TXNRD3: variants seen among roughly 807,000 people sequenced by gnomAD.
TXNRD3 encodes the protein TXNRD3 neighbor gene protein.
TXNRD3 carries 68 observed loss-of-function variants against 78.2 expected under a neutral mutation model. That is an observed-to-expected ratio of 0.87 (90% confidence interval 0.72 to 1.06). TXNRD3 has a LOEUF of 1.06. Ranked by LOEUF, TXNRD3 falls within the 50% of genes least tolerant of loss-of-function variation. The pLI, the probability that TXNRD3 is intolerant of heterozygous loss-of-function variation, is 0.00. For synonymous variants in TXNRD3, 296 were observed against 300.1 expected (o/e 0.99, Z 0.14); for missense variants, 751 against 809.5 (o/e 0.93, Z 0.88).
intron 15 of TXNRD3, 127 bp from the exon 16 acceptor site, chr3:126,608,100 C>A (rs1938097064): frequency 4.3e-6 from 3 of 690,502 alleles, no homozygotes; most frequent in Non-Finnish European, 6.6e-6. Flanking sequence ...GTGGCTCATG[C>A]CTGTAATCCC....
At position 126,613,816 on chromosome 3, in the gene TXNRD3, T is replaced by C. The variant is rs561297699; in HGVS notation, c.1632+1539A>G. ...CTTGATAAAGATAATAAATGTGATA[T>C]GACTATGATACTGATGTATGTATTT... is the stretch of plus-strand genomic sequence containing the variant. On this transcript the variant is annotated intron_variant, in intron 13 of 15. Transcript: ENST00000524230. 3.9e-5 allele frequency among the ~76,000 whole-genome samples: 6 copies of C among 152,366 alleles called. No homozygotes were observed. The South Asian group carries it at 1.2e-3, about 32-fold the overall frequency.
chr3:126,611,887 A>G (rs572875770), intron 13 of TXNRD3, among the ~76,000 whole-genome samples: 8 of 152,354 alleles, frequency 5.3e-5, no homozygotes, highest in African/African-American at 1.9e-4. Context: ...ATGTTAGGGA[A>G]AAGCATTAAT....
intron 4 of TXNRD3, 77 bp from the exon 5 acceptor site, chr3:126,644,130 G>T: frequency 6.9e-7 from 1 of 1,455,484 alleles, no homozygotes; most frequent in Non-Finnish European, 9.3e-7. Flanking sequence ...TTTGTCTTCC[G>T]TAAAAGACTG....
chr3:126,641,285 C>T (rs1933079620), intron 6 of TXNRD3, among the ~76,000 whole-genome samples: 1 of 152,084 alleles, frequency 6.6e-6, no homozygotes. Context: ...GGCTCATGCT[C>T]CTCTCCTGCT....
chr3:126,619,707 G>C (rs747807038), intron 12 of TXNRD3, among the ~76,000 whole-genome samples: 1 of 152,084 alleles, frequency 6.6e-6, no homozygotes, highest in Non-Finnish European at 1.5e-5. Flanking sequence ...AGCTAAAAGA[G>C]GATATAACAG....
intron 3 of TXNRD3, 145 bp downstream of exon 3, chr3:126,645,966 C>T: frequency 5.0e-6 from 3 of 595,318 alleles, no homozygotes; most frequent in South Asian, 3.2e-5. Flanking sequence ...TTAAAGCAAT[C>T]AGTATTATCT....
chr3:126,631,400 G>A (rs1472433928), intron 8 of TXNRD3, among the ~76,000 whole-genome samples: 3 of 151,918 alleles, frequency 2.0e-5, no homozygotes, highest in African/African-American at 7.3e-5. Context: ...TCAGTGTTAA[G>A]AAAAGTGGTG....
chr3:126,643,442 C>T (rs1293186442), intron 5 of TXNRD3, among the ~76,000 whole-genome samples: 3 of 152,190 alleles, frequency 2.0e-5, no homozygotes, highest in Non-Finnish European at 2.9e-5. Flanking sequence ...ATTACATACA[C>T]TCACTCCATC....
chr3:126,641,562 C>T (rs535251030), intron 6 of TXNRD3, among the ~76,000 whole-genome samples: 4 of 152,290 alleles, frequency 2.6e-5, no homozygotes, highest in South Asian at 4.1e-4. Context: ...CTCTCTCCCA[C>T]GGACTACATG....
rs1938191247 is a variant in TXNRD3 at position 126,611,180 on chromosome 3, C to A, written c.1633-48G>T. 4.1e-6 allele frequency: 5 copies of A among 1,219,164 alleles called. No individual in the cohort carries two copies. In the African/African-American group the frequency reaches 7.7e-5, roughly 19 times the overall value. The allele number at this position is 1,219,164 out of a possible 1,614,324, so 75.5% of individuals were successfully genotyped here. Reference sequence around the variant, plus strand: ...AGGGCAGAATTAATGTATATGGAAACCATTCCTTGATAGGCTCTTTAATTC... The same window carrying A: ...AGGGCAGAATTAATGTATATGGAAAACATTCCTTGATAGGCTCTTTAATTC... On this transcript the variant is annotated intron_variant, in intron 13 of 15. Coordinates refer to ENST00000524230, the MANE Select transcript of TXNRD3 (RefSeq NM_052883.3).
At chr3:126,616,205 G>A (rs1180309250) in intron 12 of TXNRD3, among the ~76,000 whole-genome samples, 1 of 152,194 alleles carries the variant, frequency 6.6e-6, no homozygotes, top group Admixed American at 6.5e-5. Context: ...GGAATACTTT[G>A]GTGGGTGAAC....
chr3:126,650,032 A>T (rs929486498), intron 1 of TXNRD3, among the ~76,000 whole-genome samples: 8 of 152,364 alleles, frequency 5.3e-5, no homozygotes, highest in Middle Eastern at 3.4e-3. Context: ...CAATATTTTT[A>T]AAAAAGCAAA....
chr3:126,650,642 GA>G (rs879891867), intron 1 of TXNRD3, among the ~76,000 whole-genome samples: 258 of 138,818 alleles, frequency 1.9e-3, no homozygotes, highest in Middle Eastern at 3.6e-3. Context: ...CCCCATCTCA[GA>G]AAAAAAAAAA....
At chr3:126,641,468 A>T (rs1449358444) in intron 6 of TXNRD3, among the ~76,000 whole-genome samples, 5 of 151,638 alleles carry the variant, frequency 3.3e-5, no homozygotes, top group African/African-American at 1.2e-4. Context: ...TTTCCCTGAC[A>T]CTCCCCCACC....
chr3:126,655,069 T>C lies in TXNRD3; in HGVS notation c.-79A>G, dbSNP rs1933484372. On this transcript the variant is annotated 5_prime_UTR_variant, in exon 1 of 16. Coordinates refer to ENST00000524230, the MANE Select transcript of TXNRD3 (RefSeq NM_052883.3). ...GCGGCTGCGGCGCCGGGACGGGGCC[T>C]GAGGGGCGGCGAACGCTGCCCTCGC... 5 of 1,299,034 alleles carry C rather than the reference T, an allele frequency of 3.8e-6. No individual in the cohort carries two copies. The highest frequency in any genetic ancestry group is 3.3e-5 in the East Asian group (1 of 30,584). 80.5% of individuals were successfully genotyped at this position (1,299,034 alleles called of 1,614,324 possible).
chr3:126,631,851 T>G lies in TXNRD3; in HGVS notation c.884A>C (p.Tyr295Ser). The G allele has an allele frequency of 6.5e-7, 1 of 1,536,036 alleles. No homozygotes were observed. The highest frequency in any genetic ancestry group is 8.7e-7 in the Non-Finnish European group (1 of 1,146,772). ...TATGACAAACTGTGCAGCAGTATAA[T>G]AAGTCTCCTGTCCTTTTTTATTGGT... The change falls in exon 8 of 16, where the codon TAT becomes TCT. Residue 295 changes from tyrosine (Y) to serine (S), a missense_variant. Tyr to Ser is a moderately radical substitution (Grantham distance 144). Transcript: ENST00000524230.
At chr3:126,643,136 G>A (rs1933135361) in intron 5 of TXNRD3, among the ~76,000 whole-genome samples, 2 of 152,106 alleles carry the variant, frequency 1.3e-5, no homozygotes, top group Non-Finnish European at 1.5e-5. Flanking sequence ...AAGGAGCCAG[G>A]GGAATAAAAT....
chr3:126,622,318 T>C (rs901113490), intron 11 of TXNRD3, 146 bp downstream of exon 11: 5 of 564,340 alleles, frequency 8.9e-6, no homozygotes, highest in Non-Finnish European at 1.5e-5. Flanking sequence ...TACTGATTGA[T>C]GAAGAAATTG....
At position 126,654,915 on chromosome 3, in the gene TXNRD3, G is replaced by A. The variant is rs1466437046; in HGVS notation, c.76C>T (p.Arg26Ter). ...GGCGGCGACAACACGCGCGCCCCTC[G>A]GACATGGCCCGAGCGGCGGTTGGGG... is the stretch of plus-strand genomic sequence containing the variant. The change falls in exon 1 of 16, where the codon CGA (arginine) becomes TGA (stop). Residue 26 changes from arginine (R) to a stop codon, truncating the protein, a stop_gained. Coordinates refer to ENST00000524230, the MANE Select transcript of TXNRD3 (RefSeq NM_052883.3). LOFTEE classifies it high-confidence loss of function. 1 of 1,295,236 alleles carries A rather than the reference G, an allele frequency of 7.7e-7. No homozygotes were observed. Among genetic ancestry groups the A allele is most frequent in the Non-Finnish European group, 9.7e-7 (1 of 1,028,406 alleles). The allele number at this position is 1,295,236 out of a possible 1,614,324, so 80.2% of individuals were successfully genotyped here. A position where few individuals can be genotyped will look rare whatever the true frequency, so the allele number is the denominator to read the frequency against.
Sources: allele counts gnomAD v4.1 joint callset (sites outside exome capture counted in the v4.1 genomes callset), GRCh38; gene constraint gnomAD v4.1.1; transcripts MANE v1.5; gene names NCBI Gene and HGNC (gene_info 2026-07-23, HGNC 2026-07-21).